PDE4D: variants seen among roughly 807,000 people sequenced by gnomAD.
PDE4D encodes the protein 3',5'-cyclic-AMP phosphodiesterase 4D.
A neutral mutation model predicts 87.4 loss-of-function variants in PDE4D; 24 were observed. The ratio of observed to expected loss-of-function variants is 0.27; its 90% CI spans 0.20 to 0.39. The LOEUF (loss-of-function observed/expected upper bound fraction) is 0.39. PDE4D is among the 10% of genes least tolerant of loss of function. The pLI is 1.00. For synonymous variants in PDE4D, 384 were observed against 383.2 expected, an observed-to-expected ratio of 1.00 and a Z score of -0.02; for missense variants, 714 against 1,041.0, an observed-to-expected ratio of 0.69 and a Z score of 4.32.
At chr5:60,306,718 T>C (rs892997042) in intron 1 of PDE4D, among the ~76,000 whole-genome samples, 1 of 152,104 alleles carries the variant, frequency 6.6e-6, no homozygotes, top group African/African-American at 2.4e-5. Flanking sequence ...AATCCTATTC[T>C]GATTAACGTG....
intron 1 of PDE4D, among the ~76,000 whole-genome samples, chr5:59,464,602 G>C (rs1801282605): frequency 1.3e-5 from 2 of 152,120 alleles, no homozygotes; most frequent in Non-Finnish European, 2.9e-5. Flanking sequence ...GGAACTCAGA[G>C]GCTGGCGGGA....
intron 1 of PDE4D, among the ~76,000 whole-genome samples, chr5:59,421,106 G>T (rs968547168): frequency 7.2e-5 from 11 of 152,064 alleles, no homozygotes; most frequent in Admixed American, 7.2e-4. Flanking sequence ...TTTGTGAGCT[G>T]GTTTATTGTG....
chr5:60,305,832 T>TAC (rs1283571431), intron 1 of PDE4D, among the ~76,000 whole-genome samples: 2 of 151,188 alleles, frequency 1.3e-5, no homozygotes, highest in Non-Finnish European at 3.0e-5. Context: ...TACACACACA[T>TAC]ACACACACAC....
chr5:60,051,996 A>T (rs928019663), intron 2 of PDE4D, among the ~76,000 whole-genome samples: 7 of 152,206 alleles, frequency 4.6e-5, no homozygotes, highest in African/African-American at 1.7e-4. Flanking sequence ...ATCAGGAAGA[A>T]ATTGAATCCC....
chr5:60,364,338 T>TA (rs1214858022), intron 1 of PDE4D, among the ~76,000 whole-genome samples: 1 of 152,138 alleles, frequency 6.6e-6, no homozygotes, highest in Non-Finnish European at 1.5e-5. Flanking sequence ...GGGTAGACAG[T>TA]AAGGAAAAAT....
intron 1 of PDE4D, among the ~76,000 whole-genome samples, chr5:59,861,683 A>T (rs6896871): frequency 0.093 from 14,133 of 152,240 alleles, 2,025 homozygotes; most frequent in African/African-American, 0.31. Flanking sequence ...TGTTGGACAA[A>T]AACTTCACCC....
At chr5:60,311,989 G>A (rs1755079288) in intron 1 of PDE4D, among the ~76,000 whole-genome samples, 1 of 152,138 alleles carries the variant, frequency 6.6e-6, no homozygotes, top group South Asian at 2.1e-4. Flanking sequence ...TCAACATGAA[G>A]ACCTAACTAT....
intron 5 of PDE4D, among the ~76,000 whole-genome samples, chr5:59,104,222 C>T (rs1185882566): frequency 6.6e-6 from 1 of 152,146 alleles, no homozygotes; most frequent in Admixed American, 6.5e-5. Context: ...AAACTATGAA[C>T]CAGATAGTAT....
chr5:59,216,718 C>A, intron 1 of PDE4D: 1 of 155,810 alleles, frequency 6.4e-6, no homozygotes, highest in Non-Finnish European at 1.4e-5. Context: ...GCACTATCTC[C>A]TTCTCACAGG....
chr5:59,068,907 T>G (rs1310959287), intron 5 of PDE4D, among the ~76,000 whole-genome samples: 1 of 152,190 alleles, frequency 6.6e-6, no homozygotes, highest in Non-Finnish European at 1.5e-5. Flanking sequence ...GTAATTATTA[T>G]AATTGTTATT....
At chr5:60,177,540 T>C (rs17449821) in intron 2 of PDE4D, among the ~76,000 whole-genome samples, 13,793 of 152,240 alleles carry the variant, frequency 0.091, 691 homozygotes, top group South Asian at 0.16. Context: ...TGATTTTGCA[T>C]ACTTGGCAGA....
intron 1 of PDE4D, among the ~76,000 whole-genome samples, chr5:60,228,345 C>G (rs1326238303): frequency 6.6e-6 from 1 of 152,112 alleles, no homozygotes; most frequent in Non-Finnish European, 1.5e-5. Context: ...AAAGGCTATG[C>G]AAAGCCCTAC....
chr5:60,396,897 G>T (rs1347166734), intron 1 of PDE4D, among the ~76,000 whole-genome samples: 2 of 152,110 alleles, frequency 1.3e-5, no homozygotes, highest in Non-Finnish European at 2.9e-5. Context: ...ATTCAGACGT[G>T]GACCTCAAGG....
At chr5:59,805,167 T>A (rs1035630248) in intron 1 of PDE4D, among the ~76,000 whole-genome samples, 3 of 152,220 alleles carry the variant, frequency 2.0e-5, no homozygotes, top group Non-Finnish European at 4.4e-5. Context: ...CTGTGTGTAT[T>A]CCACTGGTTT....
At chr5:59,627,182 C>G (rs2150132578) in intron 1 of PDE4D, among the ~76,000 whole-genome samples, 1 of 152,282 alleles carries the variant, frequency 6.6e-6, no homozygotes, top group Admixed American at 6.5e-5. Flanking sequence ...TGTGACTTGA[C>G]TCACTTAAGG....
rs116480127 is a variant in PDE4D, at chr5:59,544,183, A to T, written c.456-328215T>A. ...GCAAGGAAAACTAGGTACAAGGAAA[A>T]GGCAACTGGCAACACATTCCTGGAT... is the stretch of plus-strand genomic sequence containing the variant. On this transcript the variant is annotated intron_variant, in intron 1 of 14. Transcript: ENST00000340635. 7.4e-3 allele frequency among the ~76,000 whole-genome samples: 1,129 copies of T among 152,298 alleles called. 9 individuals carry two copies. The highest frequency in any genetic ancestry group is 0.026 in the African/African-American group (1,070 of 41,566).
intron 1 of PDE4D, among the ~76,000 whole-genome samples, chr5:59,420,675 G>T (rs928432277): frequency 1.4e-5 from 2 of 143,880 alleles, no homozygotes; most frequent in African/African-American, 2.6e-5. Flanking sequence ...CATAGCCACT[G>T]GATTACTGCA....
At chr5:60,138,720 C>A (rs1392126263) in intron 2 of PDE4D, among the ~76,000 whole-genome samples, 1 of 151,962 alleles carries the variant, frequency 6.6e-6, no homozygotes, top group Non-Finnish European at 1.5e-5. Context: ...TTCACTAAAC[C>A]ATGCTATGTG....
intron 1 of PDE4D, among the ~76,000 whole-genome samples, chr5:59,557,162 T>C (rs1488911958): frequency 1.3e-5 from 2 of 152,180 alleles, no homozygotes; most frequent in Non-Finnish European, 2.9e-5. Context: ...AGTAAACATA[T>C]GCCATAAGGA....
Sources: allele counts gnomAD v4.1 joint callset (sites outside exome capture counted in the v4.1 genomes callset), GRCh38; gene constraint gnomAD v4.1.1; transcripts MANE v1.5; gene names NCBI Gene and HGNC (gene_info 2026-07-23, HGNC 2026-07-21).